The following KCNN3 variants were observed in gnomAD, a reference collection of about 807,000 sequenced individuals.
KCNN3 encodes small conductance calcium-activated potassium channel protein 3.
A neutral mutation model predicts 62.9 loss-of-function variants in KCNN3; 16 were observed. That is an observed-to-expected ratio of 0.25 (90% CI 0.17 to 0.39). KCNN3 has a LOEUF of 0.39. Among genes scored for constraint, KCNN3 ranks in the 10% least tolerant of loss-of-function variants. KCNN3 has a pLI of 1.00. For synonymous variants in KCNN3, 370 were observed against 389.2 expected (o/e 0.95, Z 0.58); for missense variants, 599 against 949.4 (o/e 0.63, Z 4.85).
chr1:154,786,846 A>C (rs1649304190), intron 2 of KCNN3, among the ~76,000 whole-genome samples: 1 of 152,250 alleles, frequency 6.6e-6, no homozygotes, highest in Non-Finnish European at 1.5e-5. Flanking sequence ...GTATTTTTTA[A>C]AAGAGCTGTC....
In KCNN3 at chr1:154,775,749, G is replaced by A. The variant is rs915661551; in HGVS notation, c.1030-3356C>T. Among the ~76,000 whole-genome samples, 3 of 152,262 alleles carry A rather than the reference G, an allele frequency of 2.0e-5. No individual in the cohort carries two copies. The South Asian group carries it at 6.2e-4, about 32-fold the overall frequency. On this transcript the variant is annotated intron_variant, in intron 2 of 7. Coordinates refer to ENST00000271915, the MANE Select transcript of KCNN3 (RefSeq NM_002249.6). ...CCTTCCCCAGTGCAGCTGAGCCTGG[G>A]TTTTTCCAGACATAGGTTTTCCCCA...
intron 1 of KCNN3, among the ~76,000 whole-genome samples, chr1:154,865,438 C>T (rs920968282): frequency 3.3e-5 from 5 of 152,148 alleles, no homozygotes; most frequent in Non-Finnish European, 5.9e-5. Context: ...GCATCTCTGC[C>T]GTTTGATCTC....
chr1:154,718,385 C>T (rs1285589690), intron 5 of KCNN3, among the ~76,000 whole-genome samples: 1 of 152,252 alleles, frequency 6.6e-6, no homozygotes, highest in African/African-American at 2.4e-5. Context: ...CCAATGAAGA[C>T]CTTGCAAATT....
At chr1:154,732,443 C>T (rs931322643) in intron 4 of KCNN3, among the ~76,000 whole-genome samples, 1 of 152,232 alleles carries the variant, frequency 6.6e-6, no homozygotes, top group African/African-American at 2.4e-5. Flanking sequence ...CCAGCCCCTC[C>T]ATAGGCAGAG....
intron 3 of KCNN3, among the ~76,000 whole-genome samples, chr1:154,746,687 C>A (rs1310581684): frequency 6.6e-6 from 1 of 152,192 alleles, no homozygotes. Context: ...CTCTCCCACC[C>A]TCCCCTGTGA....
In KCNN3 at chr1:154,704,442, T is replaced by C. The variant is rs1489173542; in HGVS notation, c.*3534A>G. 6.6e-6 allele frequency: 1 copy of C among 152,154 alleles called. No individual in the cohort carries two copies. The highest frequency in any genetic ancestry group is 2.4e-5 in the African/African-American group (1 of 41,406). 9.4% of individuals were successfully genotyped at this position (152,154 alleles called of 1,614,324 possible). ...ATTTGGACTTCAATCTAAGGAGGAG[T>C]GAGCCCCTAGTCTGGTGTAATTTAC... On this transcript the variant is annotated 3_prime_UTR_variant, in exon 8 of 8. Coordinates refer to ENST00000271915, the MANE Select transcript of KCNN3 (RefSeq NM_002249.6).
chr1:154,787,103 C>G (rs1649314208), intron 2 of KCNN3, among the ~76,000 whole-genome samples: 1 of 152,222 alleles, frequency 6.6e-6, no homozygotes, highest in South Asian at 2.1e-4. Flanking sequence ...ACTAAGCCAC[C>G]TTGTGAAAAA....
chr1:154,805,611 G>A (rs1340253830), intron 2 of KCNN3, among the ~76,000 whole-genome samples: 25 of 152,176 alleles, frequency 1.6e-4, no homozygotes, highest in Admixed American at 1.6e-3. Context: ...GTGGTCGGCT[G>A]TTTGGGGCCA....
intron 3 of KCNN3, among the ~76,000 whole-genome samples, chr1:154,739,851 G>A (rs1700792919): frequency 6.6e-6 from 1 of 152,276 alleles, no homozygotes; most frequent in South Asian, 2.1e-4. Context: ...ACCACCACAT[G>A]AGTAGCTTAG....
intron 3 of KCNN3, among the ~76,000 whole-genome samples, chr1:154,770,707 G>A (rs575235246): frequency 4.1e-4 from 62 of 152,290 alleles, no homozygotes; most frequent in African/African-American, 1.5e-3. Flanking sequence ...AGCTACTTAG[G>A]AGCAGAATCA....
intron 3 of KCNN3, among the ~76,000 whole-genome samples, chr1:154,757,747 G>C (rs550144155): frequency 6.6e-6 from 1 of 152,202 alleles, no homozygotes; most frequent in African/African-American, 2.4e-5. Context: ...GAGAGTGAGC[G>C]AGAGGGTGGA....
chr1:154,772,150 G>A lies in KCNN3; in HGVS notation c.1273C>T (p.His425Tyr). 1 of 1,614,222 alleles carries A rather than the reference G, an allele frequency of 6.2e-7. No homozygotes were observed. Among genetic ancestry groups the A allele is most frequent in the Non-Finnish European group, 8.5e-7 (1 of 1,180,042 alleles). ...LYLIARVMLL[H>Y]SKLFTDASSR... is the part of the protein sequence containing the mutation. ...GAGGCATCGGTGAAGAGCTTGCTGT[G>A]CAGCAGCATGACTCGGGCGATCAGG... The change falls in exon 3 of 8, where the codon CAC becomes TAC. Residue 425 changes from histidine (H) to tyrosine (Y), a missense_variant. Physicochemically the swap from His to Tyr is moderately conservative, Grantham distance 83. Transcript: ENST00000271915. The surrounding 1 kb of genome is among the most constrained non-coding windows in gnomAD (Gnocchi z 5.6).
At chr1:154,840,285 G>T (rs140783835) in intron 1 of KCNN3, among the ~76,000 whole-genome samples, 1 of 152,282 alleles carries the variant, frequency 6.6e-6, no homozygotes, top group East Asian at 1.9e-4. Context: ...GCTATTAAAA[G>T]ATCCACTGTG....
chr1:154,856,706 A>T (rs1652548186), intron 1 of KCNN3, among the ~76,000 whole-genome samples: 2 of 152,200 alleles, frequency 1.3e-5, no homozygotes, highest in Non-Finnish European at 2.9e-5. Flanking sequence ...CCAGGTTAGG[A>T]TTCACCCCCA....
intron 2 of KCNN3, among the ~76,000 whole-genome samples, chr1:154,796,184 A>G (rs1649728375): frequency 6.6e-6 from 1 of 152,140 alleles, no homozygotes; most frequent in Admixed American, 6.5e-5. Flanking sequence ...ACTGGAAAAT[A>G]CCTTGGAAGA....
At chr1:154,728,327 T>C (rs1007300140) in intron 4 of KCNN3, among the ~76,000 whole-genome samples, 1 of 152,232 alleles carries the variant, frequency 6.6e-6, no homozygotes, top group Non-Finnish European at 1.5e-5. Context: ...ATGTTATGAC[T>C]CCCTTGTGAG....
intron 3 of KCNN3, among the ~76,000 whole-genome samples, chr1:154,755,554 GAAA>G (rs1647621326): frequency 1.1e-5 from 1 of 94,024 alleles, no homozygotes; most frequent in South Asian, 4.7e-4. Flanking sequence ...AAGGAAGGAA[GAAA>G]GAAAGAAAGA....
intron 1 of KCNN3, among the ~76,000 whole-genome samples, chr1:154,834,856 G>A (rs979281985): frequency 1.3e-5 from 2 of 148,658 alleles, no homozygotes; most frequent in East Asian, 2.0e-4. Flanking sequence ...GGTAAGGACC[G>A]CAGCACAGTC....
intron 5 of KCNN3, among the ~76,000 whole-genome samples, chr1:154,724,199 A>G (rs1700414373): frequency 6.6e-6 from 1 of 152,242 alleles, no homozygotes; most frequent in East Asian, 1.9e-4. Flanking sequence ...GAAACTGGAG[A>G]GGCCTTGGCC....
Sources: allele counts gnomAD v4.1 joint callset (sites outside exome capture counted in the v4.1 genomes callset), GRCh38; gene constraint gnomAD v4.1.1; non-coding constraint Gnocchi (gnomAD v3.1); transcripts MANE v1.5; gene names NCBI Gene and HGNC (gene_info 2026-07-23, HGNC 2026-07-21).